ADGRD1: variants seen among roughly 807,000 people sequenced by gnomAD.
ADGRD1 encodes the protein G-protein coupled receptor 133.
In ADGRD1, 77 loss-of-function variants were observed where a neutral mutation model predicts 113.4. That is an observed-to-expected ratio of 0.68 (90% CI 0.57 to 0.82). ADGRD1 has a LOEUF of 0.82. Among genes scored for constraint, ADGRD1 ranks in the 40% least tolerant of loss-of-function variants. ADGRD1 has a pLI of 0.00. For synonymous variants in ADGRD1, 474 were observed against 475.0 expected, an observed-to-expected ratio of 1.00 and a Z score of 0.03; for missense variants, 1,036 against 1,139.1, an observed-to-expected ratio of 0.91 and a Z score of 1.30.
At chr12:131,076,230 GAGA>G (rs1885594609) in intron 13 of ADGRD1, among the ~76,000 whole-genome samples, 1 of 152,200 alleles carries the variant, frequency 6.6e-6, no homozygotes. Context: ...AGCCGTGAAT[GAGA>G]CAGAAGCTCT....
rs758834618 is a variant in ADGRD1 at position 131,014,353 on chromosome 12, G to A, written c.1473+13G>A. 1.9e-6 allele frequency: 3 copies of A among 1,606,078 alleles called. No homozygotes were observed. Among genetic ancestry groups the A allele is most frequent in the South Asian group, 2.2e-5 (2 of 90,204 alleles). On this transcript the variant is annotated intron_variant, in intron 13 of 24. Coordinates refer to ENST00000261654, the MANE Select transcript of ADGRD1 (RefSeq NM_198827.5). ...CAAGCACAGATTGGTGAGTGGCGGTGCCTTCACCCTTGTCGCCGCCTTTGA... is the reference window on the plus strand; with the variant it reads ...CAAGCACAGATTGGTGAGTGGCGGTACCTTCACCCTTGTCGCCGCCTTTGA...
intron 18 of ADGRD1, among the ~76,000 whole-genome samples, chr12:131,117,963 T>A (rs1950507764): frequency 3.3e-5 from 5 of 152,210 alleles, no homozygotes; most frequent in Admixed American, 2.6e-4. Flanking sequence ...GCCTGCCTGA[T>A]TCCATCCCGT....
chr12:131,028,162 G>A (rs546019323), intron 13 of ADGRD1: 57 of 152,274 alleles, frequency 3.7e-4, no homozygotes, highest in African/African-American at 1.3e-3. Flanking sequence ...CCATTCTGGT[G>A]GCTAATGTTG....
chr12:131,081,750 G>A (rs1186178754), intron 14 of ADGRD1, among the ~76,000 whole-genome samples: 1 of 152,076 alleles, frequency 6.6e-6, no homozygotes, highest in African/African-American at 2.4e-5. Context: ...ACTTCCAGCT[G>A]TTCTATTTCT....
intron 13 of ADGRD1, among the ~76,000 whole-genome samples, chr12:131,063,734 T>C (rs1884514566): frequency 6.6e-6 from 1 of 152,226 alleles, no homozygotes; most frequent in African/African-American, 2.4e-5. Flanking sequence ...TCATATCACG[T>C]TATTCTTCTT....
intron 15 of ADGRD1, among the ~76,000 whole-genome samples, chr12:131,090,147 G>C (rs554671494): frequency 1.3e-5 from 2 of 152,306 alleles, no homozygotes; most frequent in Admixed American, 1.3e-4. Context: ...GTCTGTGGGT[G>C]TCTTCGTGGG....
chr12:131,011,471 C>T (rs1485792461), intron 12 of ADGRD1, among the ~76,000 whole-genome samples: 5 of 152,058 alleles, frequency 3.3e-5, no homozygotes, highest in African/African-American at 7.2e-5. Context: ...TAGATTCATC[C>T]ACTCGCTCAC....
intron 13 of ADGRD1, among the ~76,000 whole-genome samples, chr12:131,034,152 C>T (rs78139612): frequency 4.1e-4 from 58 of 143,004 alleles, no homozygotes; most frequent in Non-Finnish European, 7.5e-4. Flanking sequence ...GCTTCCTCTG[C>T]ATTTCAAGTA....
In ADGRD1 at chr12:130,991,918, C is replaced by T. The variant is rs939923893; in HGVS notation, c.811-319C>T. On this transcript the variant is annotated intron_variant, in intron 7 of 24. Coordinates refer to ENST00000261654, the MANE Select transcript of ADGRD1 (RefSeq NM_198827.5). Reference sequence around the variant, plus strand: ...GAAGGATCACTTGAGGTCCGGAGCTCGAGACCAGCCTGGCCAACACAGTGA... The same window carrying T: ...GAAGGATCACTTGAGGTCCGGAGCTTGAGACCAGCCTGGCCAACACAGTGA... 5.9e-5 allele frequency among the ~76,000 whole-genome samples: 9 copies of T among 152,104 alleles called. No homozygotes were observed. The South Asian group carries it at 8.3e-4, about 14-fold the overall frequency.
chr12:131,071,835 C>T (rs1017555679), intron 13 of ADGRD1, among the ~76,000 whole-genome samples: 9 of 151,684 alleles, frequency 5.9e-5, no homozygotes, highest in African/African-American at 1.9e-4. Flanking sequence ...CTGGTCCACG[C>T]TGTACCCTCC....
chr12:131,048,337 C>A (rs1041801532), intron 13 of ADGRD1, among the ~76,000 whole-genome samples: 3 of 152,228 alleles, frequency 2.0e-5, no homozygotes, highest in Non-Finnish European at 2.9e-5. Flanking sequence ...TTTCACACAT[C>A]CTGCAGCTGG....
At chr12:130,969,329 A>C (rs1483549849) in intron 3 of ADGRD1, 1 of 441,130 alleles carries the variant, frequency 2.3e-6, no homozygotes, top group African/African-American at 2.0e-5. Context: ...GCCTGTTAGG[A>C]ACTGGGCTGC....
intron 21 of ADGRD1, among the ~76,000 whole-genome samples, chr12:131,134,894 G>A (rs960497742): frequency 1.3e-5 from 2 of 152,262 alleles, no homozygotes; most frequent in Admixed American, 1.3e-4. Context: ...AAAAGACCAA[G>A]CTCCAGCCTT....
chr12:131,066,848 G>T (rs549787563), intron 13 of ADGRD1, among the ~76,000 whole-genome samples: 1 of 152,304 alleles, frequency 6.6e-6, no homozygotes, highest in South Asian at 2.1e-4. Flanking sequence ...GGAGGCCGAG[G>T]GGCTGGAGGA....
intron 12 of ADGRD1, among the ~76,000 whole-genome samples, chr12:131,006,673 G>T (rs567977889): frequency 6.6e-6 from 1 of 152,068 alleles, no homozygotes; most frequent in African/African-American, 2.4e-5. Flanking sequence ...GGGACCATGA[G>T]GGGGGCGGCG....
intron 7 of ADGRD1, among the ~76,000 whole-genome samples, chr12:130,991,355 G>A (rs1047168304): frequency 1.3e-5 from 2 of 152,174 alleles, no homozygotes; most frequent in Non-Finnish European, 2.9e-5. Flanking sequence ...CGTGAGTGGG[G>A]AGTGAGGAAT....
intron 13 of ADGRD1, among the ~76,000 whole-genome samples, chr12:131,047,435 C>A (rs1882949698): frequency 1.3e-5 from 2 of 152,240 alleles, no homozygotes; most frequent in African/African-American, 4.8e-5. Flanking sequence ...CAGCCCCGGG[C>A]CCCCTTTTGC....
intron 14 of ADGRD1, among the ~76,000 whole-genome samples, chr12:131,080,722 G>A (rs955206796): frequency 1.4e-4 from 21 of 152,250 alleles, no homozygotes; most frequent in Admixed American, 6.5e-4. Flanking sequence ...CCAGGTTCAC[G>A]CCGTTCTCCT....
In ADGRD1 at chr12:131,028,619, G is replaced by C. The variant is rs117479422; in HGVS notation, c.1473+14279G>C. On this transcript the variant is annotated intron_variant, in intron 13 of 24. Coordinates refer to ENST00000261654, the MANE Select transcript of ADGRD1 (RefSeq NM_198827.5). ...TTCTCTGCTTGTTTCTGTGTCTGCAGTGCAGTAGGGGTTGAGACTGACCAC... is the reference window on the plus strand; with the variant it reads ...TTCTCTGCTTGTTTCTGTGTCTGCACTGCAGTAGGGGTTGAGACTGACCAC... 8.5e-3 allele frequency among the ~76,000 whole-genome samples: 1,296 copies of C among 152,288 alleles called. 17 individuals carry two copies. The highest frequency in any genetic ancestry group is 0.031 in the Middle Eastern group (9 of 294).
Sources: allele counts gnomAD v4.1 joint callset (sites outside exome capture counted in the v4.1 genomes callset), GRCh38; gene constraint gnomAD v4.1.1; transcripts MANE v1.5; gene names NCBI Gene and HGNC (gene_info 2026-07-23, HGNC 2026-07-21).